The following GOLPH3 variants were observed in gnomAD, a reference collection of about 807,000 sequenced individuals.
GOLPH3 encodes golgi phosphoprotein 3.
Under a neutral mutation model 28.5 loss-of-function variants are expected in GOLPH3, and 14 were observed. The observed-to-expected ratio is 0.49, with a 90% CI of 0.32 to 0.77. The LOEUF (loss-of-function observed/expected upper bound fraction) is 0.77. Among genes scored for constraint, GOLPH3 ranks in the 30% least tolerant of loss-of-function variants. The pLI, the probability that GOLPH3 is intolerant of heterozygous loss-of-function variation, is 0.03. For missense variants in GOLPH3, 350 were observed against 393.7 expected, an observed-to-expected ratio of 0.89 and a Z score of 0.94; for synonymous variants, 158 against 159.2, an observed-to-expected ratio of 0.99 and a Z score of 0.06.
chr5:32,145,741 T>C (rs1454990922), intron 1 of GOLPH3, among the ~76,000 whole-genome samples: 2 of 152,204 alleles, frequency 1.3e-5, no homozygotes, highest in Non-Finnish European at 2.9e-5. Flanking sequence ...ATGGGGTCTT[T>C]AGTAACAGAC....
At chr5:32,148,217 C>A (rs1746220292) in intron 1 of GOLPH3, among the ~76,000 whole-genome samples, 1 of 152,116 alleles carries the variant, frequency 6.6e-6, no homozygotes, top group South Asian at 2.1e-4. Flanking sequence ...AGGGCAGAAA[C>A]GTCCGTTTCT....
intron 3 of GOLPH3, chr5:32,134,940 C>T (rs1745900845): frequency 6.6e-6 from 1 of 152,224 alleles, no homozygotes. Flanking sequence ...ACACAAATAA[C>T]TTTAATATAA....
intron 1 of GOLPH3, among the ~76,000 whole-genome samples, chr5:32,147,170 T>C (rs973672669): frequency 1.1e-4 from 16 of 151,988 alleles, no homozygotes; most frequent in Admixed American, 8.5e-4. Flanking sequence ...CACAAAAATA[T>C]ATGTACAAAT....
intron 1 of GOLPH3, among the ~76,000 whole-genome samples, chr5:32,149,461 C>T (rs1488800898): frequency 6.6e-6 from 1 of 152,064 alleles, no homozygotes; most frequent in Non-Finnish European, 1.5e-5. Context: ...AATCTGAAAA[C>T]CTTGAATTGT....
chr5:32,147,975 C>A (rs1009573733), intron 1 of GOLPH3, among the ~76,000 whole-genome samples: 1 of 152,004 alleles, frequency 6.6e-6, no homozygotes, highest in African/African-American at 2.4e-5. Flanking sequence ...AAAGCACAAC[C>A]CCTGGCAATT....
In GOLPH3 at chr5:32,126,557, C is replaced by G; in HGVS notation, c.552G>C (p.Lys184Asn). ...TCTGTTTCTCTGTTGTCAATACACC[C>G]TTTTCCACCAGGTTTTTAGCTAATC... Reference protein sequence around the residue: ...RERLAKNLVEKGVLTTEKQNF... With the variant: ...RERLAKNLVENGVLTTEKQNF... The change falls in exon 4 of 4, where the codon AAG (lysine) becomes AAC (asparagine). Residue 184 changes from lysine to asparagine, a missense_variant. Physicochemically the swap from Lys to Asn is moderately conservative, Grantham distance 94. Coordinates refer to ENST00000265070, the MANE Select transcript of GOLPH3 (RefSeq NM_022130.4). 1.9e-6 allele frequency: 3 copies of G among 1,614,134 alleles called. No individual in the cohort carries two copies. Among genetic ancestry groups the G allele is most frequent in the Non-Finnish European group, 2.5e-6 (3 of 1,180,016 alleles).
intron 1 of GOLPH3, among the ~76,000 whole-genome samples, chr5:32,171,912 C>A (rs991789349): frequency 2.0e-5 from 3 of 151,532 alleles, no homozygotes; most frequent in Non-Finnish European, 4.4e-5. Flanking sequence ...GGCGCCACTG[C>A]ACTCCAGGCC....
chr5:32,146,360 A>G (rs952208799), intron 1 of GOLPH3, among the ~76,000 whole-genome samples: 2 of 152,080 alleles, frequency 1.3e-5, no homozygotes, highest in African/African-American at 2.4e-5. Flanking sequence ...TTATGACTGT[A>G]GTCATAATTA....
At chr5:32,141,839 A>G (rs1746069567) in intron 2 of GOLPH3, among the ~76,000 whole-genome samples, 1 of 151,840 alleles carries the variant, frequency 6.6e-6, no homozygotes, top group African/African-American at 2.4e-5. Flanking sequence ...CCTAACCGCG[A>G]GTGATCCGCC....
intron 1 of GOLPH3, among the ~76,000 whole-genome samples, chr5:32,171,944 G>A (rs1451611775): frequency 2.0e-5 from 3 of 150,278 alleles, no homozygotes; most frequent in Non-Finnish European, 4.4e-5. Flanking sequence ...GCGAGATTCC[G>A]TCTAAAAAAA....
rs1273512719 is a variant in GOLPH3, at chr5:32,158,120, AAAT to A, written c.226-14243_226-14241del. ...TAAATAAATAAATAAATAAATAAAT[AAAT>A]AAATAAAATACACACACACACACAC... On this transcript the variant is annotated intron_variant, in intron 1 of 3. Transcript: ENST00000265070. Among the ~76,000 whole-genome samples, 871 of 112,482 alleles carry A rather than the reference AAAT, an allele frequency of 7.7e-3. 40 individuals are homozygous for A. Among genetic ancestry groups the A allele is most frequent in the East Asian group, 0.024 (104 of 4,352 alleles). The allele number at this position is 112,482 out of a possible 152,430, so 73.8% of individuals were successfully genotyped here.
At chr5:32,137,247 CT>C (rs1745954323) in intron 2 of GOLPH3, among the ~76,000 whole-genome samples, 1 of 152,034 alleles carries the variant, frequency 6.6e-6, no homozygotes, top group African/African-American at 2.4e-5. Context: ...GAATGATCCA[CT>C]GCACCTGGCC....
At chr5:32,135,757 A>G (rs573396219) in intron 2 of GOLPH3, 71 bp from the exon 3 acceptor site, 1 of 834,370 alleles carries the variant, frequency 1.2e-6, no homozygotes, top group South Asian at 1.5e-5. Context: ...TAAATGAAAA[A>G]CAAACAATTA....
rs1745680825 is a variant in GOLPH3, at chr5:32,126,390, A to AT, written c.718dup (p.Ile240AsnfsTer23). The AT allele has an allele frequency of 6.2e-7, 1 of 1,614,010 alleles. No individual in the cohort carries two copies. On this transcript the variant is annotated frameshift_variant, in exon 4 of 4. Transcript: ENST00000265070. LOFTEE classifies it high-confidence loss of function. Reference sequence around the variant, plus strand: ...GACGTCCGAGGCATGAGCCAGGTAAATGAGGGCCAGCAAGCGCCTGTCCAT... The same window carrying AT: ...GACGTCCGAGGCATGAGCCAGGTAAATTGAGGGCCAGCAAGCGCCTGTCCAT...
rs1334939650 is a variant in GOLPH3, at chr5:32,125,153, T to C, written c.*1059A>G. On this transcript the variant is annotated 3_prime_UTR_variant, in exon 4 of 4. Transcript: ENST00000265070. ...ATTTACATGCAACATCTGCTAGGAC[T>C]GACATTTGATTTTTTTCCCCAAGAA... 6.5e-6 allele frequency: 1 copy of C among 152,672 alleles called. No homozygotes were observed. The highest frequency in any genetic ancestry group is 1.5e-5 in the Non-Finnish European group (1 of 68,040). 9.5% of individuals were successfully genotyped at this position (152,672 alleles called of 1,614,324 possible).
chr5:32,142,076 T>C (rs1194194225), intron 2 of GOLPH3, among the ~76,000 whole-genome samples: 1 of 149,898 alleles, frequency 6.7e-6, no homozygotes, highest in Admixed American at 6.6e-5. Context: ...TCGTCTGGGA[T>C]GTGAGGAGCC....
intron 1 of GOLPH3, among the ~76,000 whole-genome samples, chr5:32,155,956 C>CAAAAAAAAAAAAA (rs70961608): frequency 1.7e-4 from 8 of 47,818 alleles, no homozygotes; most frequent in Non-Finnish European, 2.1e-4. Context: ...AACACTGTCT[C>CAAAAAAAAAAAAA]AAAAAAAAAA....
intron 1 of GOLPH3, among the ~76,000 whole-genome samples, chr5:32,151,898 T>C (rs972085822): frequency 2.0e-5 from 3 of 152,158 alleles, no homozygotes; most frequent in South Asian, 2.1e-4. Flanking sequence ...GTTCCACATA[T>C]ATGGGGTACC....
intron 3 of GOLPH3, among the ~76,000 whole-genome samples, chr5:32,128,561 A>T (rs1272898569): frequency 6.6e-6 from 1 of 152,132 alleles, no homozygotes; most frequent in Non-Finnish European, 1.5e-5. Context: ...CGGACGGCTG[A>T]GGCAGGAGAA....
Sources: allele counts gnomAD v4.1 joint callset (sites outside exome capture counted in the v4.1 genomes callset), GRCh38; gene constraint gnomAD v4.1.1; transcripts MANE v1.5; gene names NCBI Gene and HGNC (gene_info 2026-07-23, HGNC 2026-07-21).